The following MECOM variants were observed in gnomAD, a reference collection of about 807,000 sequenced individuals.
MECOM encodes MDS1 and EVI1 complex locus, also known as histone-lysine N-methyltransferase MECOM.
MECOM carries 13 observed loss-of-function variants against 116.3 expected under a neutral mutation model. The observed-to-expected ratio is 0.11, with a 90% confidence interval of 0.07 to 0.18. MECOM has a LOEUF of 0.18. Ranked by LOEUF, MECOM falls within the 10% of genes least tolerant of loss-of-function variation. The pLI is 1.00. For synonymous variants in MECOM, 528 were observed against 535.2 expected (o/e 0.99, Z 0.19); for missense variants, 1,299 against 1,509.0 (o/e 0.86, Z 2.31).
intron 2 of MECOM, chr3:169,147,195 CT>C (rs1023843752): frequency 2.0e-6 from 2 of 985,506 alleles, no homozygotes. Context: ...TCTACTTCTC[CT>C]TCCCAGTTCC....
chr3:169,141,286 C>T (rs1243483851), intron 3 of MECOM, among the ~76,000 whole-genome samples: 1 of 151,994 alleles, frequency 6.6e-6, no homozygotes, highest in African/African-American at 2.4e-5. Context: ...ATCTAAAAAT[C>T]AGAGCAAAGA....
At chr3:169,439,911 T>C (rs1743321581) in intron 1 of MECOM, among the ~76,000 whole-genome samples, 1 of 152,134 alleles carries the variant, frequency 6.6e-6, no homozygotes, top group Non-Finnish European at 1.5e-5. Flanking sequence ...ATATTGCATG[T>C]AGAAAAGCAA....
At chr3:169,267,462 C>T (rs1325571933) in intron 2 of MECOM, among the ~76,000 whole-genome samples, 2 of 152,054 alleles carry the variant, frequency 1.3e-5, no homozygotes, top group Non-Finnish European at 2.9e-5. Context: ...AATGAGACCA[C>T]GATAGGTAAA....
chr3:169,330,548 C>G (rs192081765), intron 2 of MECOM, among the ~76,000 whole-genome samples: 1 of 151,962 alleles, frequency 6.6e-6, no homozygotes, highest in Non-Finnish European at 1.5e-5. Context: ...TAAAAAAGAG[C>G]AAATAACAAT....
At chr3:169,549,064 C>G (rs71306638) in intron 1 of MECOM, among the ~76,000 whole-genome samples, 1 of 151,582 alleles carries the variant, frequency 6.6e-6, no homozygotes, top group Non-Finnish European at 1.5e-5. Context: ...ACCTCCGCCT[C>G]CCGGGTTCAA....
chr3:169,232,287 C>T (rs1023309997), intron 2 of MECOM, among the ~76,000 whole-genome samples: 9 of 152,032 alleles, frequency 5.9e-5, no homozygotes, highest in South Asian at 2.1e-4. Flanking sequence ...AAGTGAAAAA[C>T]GACTTGGACC....
At chr3:169,282,968 T>C (rs1475576612) in intron 2 of MECOM, among the ~76,000 whole-genome samples, 1 of 152,128 alleles carries the variant, frequency 6.6e-6, no homozygotes, top group East Asian at 1.9e-4. Context: ...CGGTAATTTC[T>C]ATGAGAAACT....
chr3:169,438,562 C>T (rs1034266962), intron 1 of MECOM, among the ~76,000 whole-genome samples: 3 of 152,170 alleles, frequency 2.0e-5, no homozygotes, highest in Non-Finnish European at 4.4e-5. Context: ...TTGTTGAGAG[C>T]TTATCCCAGG....
At chr3:169,548,320 T>G (rs1441756685) in intron 1 of MECOM, among the ~76,000 whole-genome samples, 1 of 152,224 alleles carries the variant, frequency 6.6e-6, no homozygotes, top group Non-Finnish European at 1.5e-5. Flanking sequence ...AGAACCCATG[T>G]GCAAGTAGAC....
intron 1 of MECOM, among the ~76,000 whole-genome samples, chr3:169,609,970 C>T (rs1769049231): frequency 6.6e-6 from 1 of 152,154 alleles, no homozygotes; most frequent in African/African-American, 2.4e-5. Context: ...CCAGAATATA[C>T]TGATTACTAC....
chr3:169,480,128 C>T (rs1751065837), intron 1 of MECOM, among the ~76,000 whole-genome samples: 1 of 152,068 alleles, frequency 6.6e-6, no homozygotes. Context: ...CTGTAGGTTG[C>T]CAAAGACTAA....
chr3:169,634,826 G>T (rs556273389), intron 1 of MECOM, among the ~76,000 whole-genome samples: 1 of 151,930 alleles, frequency 6.6e-6, no homozygotes, highest in Admixed American at 6.6e-5. Flanking sequence ...TAGATGCACC[G>T]CCCACAACCC....
At chr3:169,435,212 G>A (rs1170398225) in intron 1 of MECOM, among the ~76,000 whole-genome samples, 1 of 152,090 alleles carries the variant, frequency 6.6e-6, no homozygotes, top group East Asian at 1.9e-4. Context: ...TTTGTGTTTG[G>A]ATTTCCTTCG....
At chr3:169,548,012 A>T (rs140407602) in intron 1 of MECOM, among the ~76,000 whole-genome samples, 227 of 152,292 alleles carry the variant, frequency 1.5e-3, no homozygotes, top group African/African-American at 5.3e-3. Context: ...ATTTTCTTTG[A>T]TGGAGACATC....
chr3:169,479,560 G>A (rs1750974558), intron 1 of MECOM, among the ~76,000 whole-genome samples: 1 of 150,526 alleles, frequency 6.6e-6, no homozygotes, highest in South Asian at 2.1e-4. Flanking sequence ...AGAAAGCACT[G>A]GAAGTAAAGC....
rs925078461 is a variant in MECOM at position 169,188,999 on chromosome 3, G to T, written c.376-45167C>A. Among the ~76,000 whole-genome samples, 35 of 152,166 alleles carry T rather than the reference G, an allele frequency of 2.3e-4. 1 individual carries two copies. The East Asian group carries it at 2.9e-3, about 13-fold the overall frequency. ...CATTTATATTTGCATCCTATAATGT[G>T]AATGTATTAGCCCCAAATTGTTTGG... On this transcript the variant is annotated intron_variant, in intron 2 of 16. Coordinates refer to ENST00000651503, the MANE Select transcript of MECOM (RefSeq NM_004991.4).
chr3:169,612,684 T>C (rs959667115), intron 1 of MECOM, among the ~76,000 whole-genome samples: 1 of 152,174 alleles, frequency 6.6e-6, no homozygotes, highest in African/African-American at 2.4e-5. Flanking sequence ...CAAATGGAAC[T>C]TGAGCCTCAA....
intron 1 of MECOM, among the ~76,000 whole-genome samples, chr3:169,436,542 G>T (rs1408748077): frequency 6.6e-6 from 1 of 152,068 alleles, no homozygotes; most frequent in African/African-American, 2.4e-5. Flanking sequence ...GAGGCACCGT[G>T]CCTGGCCCTA....
chr3:169,630,452 TAAA>T (rs71166258), intron 1 of MECOM, among the ~76,000 whole-genome samples: 4 of 131,318 alleles, frequency 3.0e-5, no homozygotes, highest in East Asian at 2.2e-4. Flanking sequence ...AATTTATTCT[TAAA>T]AAAAAAAAAA....
Sources: gnomAD v4.1 joint callset for allele counts (sites outside exome capture counted in the v4.1 genomes callset) on GRCh38, gnomAD v4.1.1 for gene constraint, MANE v1.5 for transcripts, NCBI Gene and HGNC (gene_info 2026-07-23, HGNC 2026-07-21) for gene names.